Variants in CAPN8 observed in about 807,000 individuals in gnomAD.
CAPN8 encodes calpain 8, also known as calpain-8.
CAPN8 carries 87 observed loss-of-function variants against 80.9 expected under a neutral mutation model. The observed-to-expected ratio is 1.07, with a 90% confidence interval of 0.90 to 1.28. CAPN8 has a LOEUF of 1.28. CAPN8 is among the 50% of genes most tolerant of loss of function. The probability of loss-of-function intolerance (pLI) is 0.00; values close to 1 mark genes in which losing one functional copy is unlikely to be tolerated. For synonymous variants in CAPN8, 299 were observed against 273.8 expected (o/e 1.09, Z -0.91); for missense variants, 757 against 702.0 (o/e 1.08, Z -0.89).
intron 2 of CAPN8, among the ~76,000 whole-genome samples, chr1:223,647,189 A>G (rs1317531084): frequency 1.3e-5 from 2 of 152,214 alleles, no homozygotes; most frequent in African/African-American, 2.4e-5. Context: ...GAAGGAGCCC[A>G]GCATTCCTGT....
chr1:223,644,092 C>T, intron 2 of CAPN8: 4 of 276,250 alleles, frequency 1.4e-5, no homozygotes, highest in South Asian at 8.3e-5. Flanking sequence ...AACAATTTCT[C>T]ACTTCATTGA....
Position 223,622,555 on chromosome 1 carries a change from C to T in CAPN8, c.899+260G>A, listed in dbSNP as rs1428323102. The T allele has an allele frequency of 2.5e-5, 13 of 526,544 alleles. No individual in the cohort carries two copies. In the East Asian group the frequency reaches 2.6e-4, roughly 10 times the overall value. 32.6% of individuals were successfully genotyped at this position (526,544 alleles called of 1,614,324 possible). A position where few individuals can be genotyped will look rare whatever the true frequency, so the allele number is the denominator to read the frequency against. Reference sequence around the variant, plus strand: ...GGTAAAAAACACAAAAACCTTTCAGCGCAAAGCAAAATTCCACAGAGCCGC... The same window carrying T: ...GGTAAAAAACACAAAAACCTTTCAGTGCAAAGCAAAATTCCACAGAGCCGC... On this transcript the variant is annotated intron_variant, in intron 7 of 20. Coordinates refer to ENST00000366872, the MANE Select transcript of CAPN8 (RefSeq NM_001143962.2).
chr1:223,640,115 C>G (rs1658007816), intron 2 of CAPN8, among the ~76,000 whole-genome samples: 1 of 152,140 alleles, frequency 6.6e-6, no homozygotes, highest in African/African-American at 2.4e-5. Context: ...TCTCTCCCCA[C>G]CCCTTGCTAG....
intron 2 of CAPN8, among the ~76,000 whole-genome samples, chr1:223,651,289 A>G (rs1036664744): frequency 6.6e-6 from 1 of 152,108 alleles, no homozygotes; most frequent in Non-Finnish European, 1.5e-5. Context: ...TCAACAAAGG[A>G]TTTACTCATT....
At chr1:223,623,585 C>A (rs907728151) in intron 6 of CAPN8, among the ~76,000 whole-genome samples, 1 of 152,202 alleles carries the variant, frequency 6.6e-6, no homozygotes, top group Admixed American at 6.5e-5. Flanking sequence ...ATACACACAC[C>A]AACTGTGTAG....
chr1:223,624,141 A>G (rs976837476), intron 6 of CAPN8, among the ~76,000 whole-genome samples: 1 of 152,322 alleles, frequency 6.6e-6, no homozygotes, highest in East Asian at 1.9e-4. Context: ...GAAGTGGTGC[A>G]ATCACTGCAG....
intron 2 of CAPN8, among the ~76,000 whole-genome samples, chr1:223,630,802 C>A (rs1225157717): frequency 6.6e-6 from 1 of 152,140 alleles, no homozygotes; most frequent in East Asian, 1.9e-4. Context: ...TGTGGATGGG[C>A]TGGCATGAGT....
rs556423541 is a variant in CAPN8, at chr1:223,545,057, C to T, written c.1833+174G>A. 3 of 1,379,430 alleles carry T rather than the reference C, an allele frequency of 2.2e-6. No homozygotes were observed. In the African/African-American group the frequency reaches 4.3e-5, roughly 20 times the overall value. 85.4% of individuals were successfully genotyped at this position (1,379,430 alleles called of 1,614,324 possible). ...TGTCTGAACAGCAGGGCTTTCAGGG[C>T]AGTGGTTGGCATGAGAGTCTCTCAT... On this transcript the variant is annotated intron_variant, in intron 17 of 20. Coordinates refer to ENST00000366872, the MANE Select transcript of CAPN8 (RefSeq NM_001143962.2).
At chr1:223,550,537 T>C (rs552020787) in intron 15 of CAPN8, among the ~76,000 whole-genome samples, 1 of 152,272 alleles carries the variant, frequency 6.6e-6, no homozygotes, top group South Asian at 2.1e-4. Flanking sequence ...AGAGTCAGAA[T>C]CATCCCTTCC....
At chr1:223,642,899 C>T (rs1405801474) in intron 2 of CAPN8, 3 of 448,834 alleles carry the variant, frequency 6.7e-6, no homozygotes, top group Admixed American at 4.9e-5. Flanking sequence ...GCCTCACCTC[C>T]AGCTTTAAAT....
At chr1:223,611,469 A>C (rs959157479) in intron 11 of CAPN8, among the ~76,000 whole-genome samples, 11 of 152,224 alleles carry the variant, frequency 7.2e-5, no homozygotes, top group African/African-American at 2.2e-4. Flanking sequence ...GTTGGTATAA[A>C]TATGAGTGTG....
chr1:223,543,222 C>T (rs1407083058), intron 19 of CAPN8, 56 bp from the exon 20 acceptor site: 4 of 1,540,320 alleles, frequency 2.6e-6, no homozygotes, highest in Non-Finnish European at 3.5e-6. Context: ...GACTTTGGAA[C>T]AATCAGAGAG....
At chr1:223,610,411 A>T (rs1322419162) in intron 11 of CAPN8, among the ~76,000 whole-genome samples, 1 of 152,130 alleles carries the variant, frequency 6.6e-6, no homozygotes, top group African/African-American at 2.4e-5. Context: ...TCTCCCTAAA[A>T]ATGCTTACAT....
intron 4 of CAPN8, 107 bp from the exon 5 acceptor site, chr1:223,627,264 G>A (rs1478520908): frequency 7.7e-7 from 1 of 1,293,112 alleles, no homozygotes; most frequent in East Asian, 2.5e-5. Flanking sequence ...GAAGATAAAG[G>A]AAGGCTCTTT....
chr1:223,553,764 T>A (rs1656851078), intron 14 of CAPN8, 68 bp downstream of exon 14: 1 of 398,336 alleles, frequency 2.5e-6, no homozygotes, highest in Non-Finnish European at 4.4e-6. Context: ...GAGTAAAGAA[T>A]GAAGTGACCT....
intron 1 of CAPN8, among the ~76,000 whole-genome samples, chr1:223,657,427 A>C (rs1301814908): frequency 1.3e-5 from 2 of 152,164 alleles, no homozygotes; most frequent in African/African-American, 4.8e-5. Flanking sequence ...AAGACAGCAC[A>C]CTCAATAGGG....
chr1:223,618,102 C>A lies in CAPN8; in HGVS notation c.1135+1191G>T, dbSNP rs34893034. The A allele has an allele frequency of 3.3e-4, 289 of 877,866 alleles. No individual in the cohort carries two copies. The African/African-American group carries it at 4.3e-3, about 13-fold the overall frequency. The allele number at this position is 877,866 out of a possible 1,614,324, so 54.4% of individuals were successfully genotyped here. On this transcript the variant is annotated intron_variant, in intron 9 of 20. Coordinates refer to ENST00000366872, the MANE Select transcript of CAPN8 (RefSeq NM_001143962.2). Reference sequence around the variant, plus strand: ...AGAAAGTGACTGGCCCTGCCCCATGCGCTTACAGTCTAAGTCAATCAACAG... The same window carrying A: ...AGAAAGTGACTGGCCCTGCCCCATGAGCTTACAGTCTAAGTCAATCAACAG...
intron 2 of CAPN8, among the ~76,000 whole-genome samples, chr1:223,629,261 T>A (rs1657705553): frequency 6.9e-6 from 1 of 145,850 alleles, no homozygotes; most frequent in African/African-American, 2.5e-5. Context: ...TGACCTTGGA[T>A]AATGAAGAGC....
chr1:223,616,287 G>C (rs187124387), intron 9 of CAPN8, 142 bp from the exon 10 acceptor site: 15 of 953,380 alleles, frequency 1.6e-5, no homozygotes, highest in Non-Finnish European at 1.5e-5. Context: ...GCCTCAGAAA[G>C]TGTTCTTTAC....
Sources: gnomAD v4.1 joint callset for allele counts (sites outside exome capture counted in the v4.1 genomes callset) on GRCh38, gnomAD v4.1.1 for gene constraint, MANE v1.5 for transcripts, NCBI Gene and HGNC (gene_info 2026-07-23, HGNC 2026-07-21) for gene names.